PCDHA7: variants seen among roughly 807,000 people sequenced by gnomAD.
The protein encoded by PCDHA7 is protocadherin alpha 7.
Under a neutral mutation model 57.2 loss-of-function variants are expected in PCDHA7, and 37 were observed. That is an observed-to-expected ratio of 0.65 (90% confidence interval 0.50 to 0.85). PCDHA7 has a LOEUF of 0.85. PCDHA7 is among the 40% of genes least tolerant of loss of function. The pLI is 0.00. For synonymous variants in PCDHA7, 553 were observed against 558.8 expected, an observed-to-expected ratio of 0.99 and a Z score of 0.15; for missense variants, 1,188 against 1,241.8, an observed-to-expected ratio of 0.96 and a Z score of 0.65.
intron 1 of PCDHA7, among the ~76,000 whole-genome samples, chr5:140,895,220 A>C (rs1044682871): frequency 6.6e-6 from 1 of 152,158 alleles, no homozygotes; most frequent in Non-Finnish European, 1.5e-5. Context: ...CTAATATTTT[A>C]CTGAGTTTTC....
intron 3 of PCDHA7, among the ~76,000 whole-genome samples, chr5:140,986,846 A>G (rs782028314): frequency 6.6e-6 from 1 of 152,200 alleles, no homozygotes; most frequent in Non-Finnish European, 1.5e-5. Flanking sequence ...AAGGGGCAGC[A>G]ACACCAACAA....
Position 140,978,996 on chromosome 5 carries a change from A to T in PCDHA7, c.2403A>T (p.Ala801=), listed in dbSNP as rs2096831053. The change falls in exon 2 of 4, where the codon GCA becomes GCT. Residue 801 remains alanine, a synonymous_variant. Coordinates refer to ENST00000525929, the MANE Select transcript of PCDHA7 (RefSeq NM_018910.3). ...GGCGTTACTCTGCCTCCCTGAGAGC[A>T]GGCATGCACAGGTATGTATTTCCCT... ...PDWRYSASLR[A]GMHSSVHLEE... 1 of 1,614,186 alleles carries T rather than the reference A, an allele frequency of 6.2e-7. No individual in the cohort carries two copies.
chr5:140,876,984 G>C (rs2056761931), intron 1 of PCDHA7: 9 of 1,612,672 alleles, frequency 5.6e-6, no homozygotes, highest in African/African-American at 1.3e-5. Flanking sequence ...AGCACGCACT[G>C]TCGAGCTACG....
chr5:140,990,555 G>C (rs1176257375), intron 3 of PCDHA7, among the ~76,000 whole-genome samples: 1 of 152,130 alleles, frequency 6.6e-6, no homozygotes, highest in African/African-American at 2.4e-5. Context: ...TATTACCCAA[G>C]AACACACACC....
At chr5:141,008,698 G>A (rs246582) in intron 3 of PCDHA7, among the ~76,000 whole-genome samples, 2,594 of 152,212 alleles carry the variant, frequency 0.017, 88 homozygotes, top group African/African-American at 0.059. Context: ...GTATTAAGTT[G>A]GTTTCTAGTT....
rs182752192 is a variant in PCDHA7 at position 140,839,718 on chromosome 5, T to A, written c.2355+2980T>A. ...TAAATAATGTGATGACAAATTTAAATCATTTCACAGAAAATACCCTTATTT... is the reference window on the plus strand; with the variant it reads ...TAAATAATGTGATGACAAATTTAAAACATTTCACAGAAAATACCCTTATTT... On this transcript the variant is annotated intron_variant, in intron 1 of 3. Transcript: ENST00000525929. Among the ~76,000 whole-genome samples the A allele has an allele frequency of 7.0e-4, 106 of 152,196 alleles. 2 individuals are homozygous for A. The highest frequency in any genetic ancestry group is 2.5e-3 in the African/African-American group (104 of 41,490).
At chr5:141,004,188 TA>T (rs1391411358) in intron 3 of PCDHA7, among the ~76,000 whole-genome samples, 5 of 152,260 alleles carry the variant, frequency 3.3e-5, no homozygotes, top group African/African-American at 1.2e-4. Flanking sequence ...TGAGTGCTCT[TA>T]ACCAAAAGGA....
chr5:140,865,649 T>C (rs781986812), intron 1 of PCDHA7: 5 of 152,204 alleles, frequency 3.3e-5, no homozygotes, highest in Non-Finnish European at 5.9e-5. Flanking sequence ...AATACATTAT[T>C]TCATTTAATA....
chr5:140,852,903 G>A, intron 1 of PCDHA7: 1 of 833,182 alleles, frequency 1.2e-6, no homozygotes, highest in South Asian at 5.4e-5. Flanking sequence ...TTTTGAGTCA[G>A]AGTCTCGCTC....
chr5:140,990,808 C>G (rs537926285), intron 3 of PCDHA7, among the ~76,000 whole-genome samples: 18 of 152,212 alleles, frequency 1.2e-4, no homozygotes, highest in Non-Finnish European at 2.4e-4. Context: ...ACAGAAGAAG[C>G]TCCCTTCTCT....
chr5:140,900,907 T>C (rs1156878452), intron 1 of PCDHA7, among the ~76,000 whole-genome samples: 1 of 152,190 alleles, frequency 6.6e-6, no homozygotes, highest in African/African-American at 2.4e-5. Context: ...ATTTTAACTG[T>C]GGTAAGATGA....
Position 140,853,606 on chromosome 5 carries a change from G to T in PCDHA7, c.2355+16868G>T. 3.0e-6 allele frequency: 3 copies of T among 987,448 alleles called. 1 individual carries two copies. The highest frequency in any genetic ancestry group is 3.7e-6 in the Non-Finnish European group (3 of 819,684). The allele number at this position is 987,448 out of a possible 1,614,324, so 61.2% of individuals were successfully genotyped here. A position where few individuals can be genotyped will look rare whatever the true frequency, so the allele number is the denominator to read the frequency against. On this transcript the variant is annotated intron_variant, in intron 1 of 3. Coordinates refer to ENST00000525929, the MANE Select transcript of PCDHA7 (RefSeq NM_018910.3). ...CTTAGACACTTTGAGAGCAAAGGGG[G>T]TGCTGTAAATAAGTATACAAGATCA...
At chr5:140,993,468 A>G (rs1327306188) in intron 3 of PCDHA7, among the ~76,000 whole-genome samples, 1 of 69,412 alleles carries the variant, frequency 1.4e-5, no homozygotes, top group African/African-American at 5.6e-5. Context: ...TTTCTCACAC[A>G]CACACACACA....
chr5:140,876,774 G>T (rs370558767), intron 1 of PCDHA7: 28 of 1,614,110 alleles, frequency 1.7e-5, no homozygotes, highest in Non-Finnish European at 2.3e-5. Flanking sequence ...GCTCGCCTTC[G>T]CTGTGGGCCA....
At position 140,835,996 on chromosome 5, in the gene PCDHA7, G is replaced by A. The variant is rs782367355; in HGVS notation, c.1613G>A (p.Arg538His). Residue 538 changes from arginine to histidine, a missense_variant, in exon 1 of 4, where the codon CGC becomes CAC. Around this residue, in one of 3 missense-constraint regions of PCDHA7, gnomAD observed 892 missense variants for 788.5 expected, o/e 1.13. Transcript: ENST00000525929. ...LELLQFQVSA[R>H]DAGVPPLGSN... is the part of the protein sequence containing the mutation. ...CTGTTGCAGTTCCAGGTGAGCGCGC[G>A]CGATGCGGGCGTGCCGCCTCTGGGC... The A allele has an allele frequency of 1.2e-6, 2 of 1,613,272 alleles. No individual in the cohort carries two copies. The highest frequency in any genetic ancestry group is 1.1e-5 in the South Asian group (1 of 91,080).
In PCDHA7 at chr5:140,836,693, G is replaced by A; in HGVS notation, c.2310G>A (p.Met770Ile). The A allele has an allele frequency of 1.2e-6, 2 of 1,613,422 alleles. No individual in the cohort carries two copies. Among genetic ancestry groups the A allele is most frequent in the African/African-American group, 2.7e-5 (2 of 74,928 alleles). The change falls in exon 1 of 4, where the codon ATG becomes ATA. Residue 770 changes from methionine (M) to isoleucine (I), a missense_variant. This residue lies in a region of PCDHA7 where 892 missense variants were observed against 788.5 expected (regional missense o/e 1.13). Transcript: ENST00000525929. ...SGEGPPKTDL[M>I]AFSPSLPQGP... ...AGGGCCCACCCAAGACAGACCTCAT[G>A]GCCTTCAGTCCCAGCCTTCCTCAGG...
chr5:140,948,315 G>A (rs246048), intron 1 of PCDHA7, among the ~76,000 whole-genome samples: 85,363 of 151,182 alleles, frequency 0.56, 24,689 homozygotes, highest in African/African-American at 0.69. Context: ...TTCTTGAGGG[G>A]TAATGTTTTC....
At chr5:140,857,102 A>G in intron 1 of PCDHA7, 1 of 1,597,722 alleles carries the variant, frequency 6.3e-7, no homozygotes, top group Non-Finnish European at 8.6e-7. Context: ...GGTGATTGTC[A>G]CTTCTCTGTC....
At position 141,010,158 on chromosome 5, in the gene PCDHA7, GT is replaced by G. The variant is rs1563735803; in HGVS notation, c.*225del. 1.3e-6 allele frequency: 2 copies of G among 1,570,690 alleles called. No homozygotes were observed. The highest frequency in any genetic ancestry group is 1.7e-6 in the Non-Finnish European group (2 of 1,156,884). ...TAACTCTTTCTCTCCACTCTGGCTT[GT>G]TTTCAGAACCTAAAAAGCAGACCCA... On this transcript the variant is annotated 3_prime_UTR_variant, in exon 4 of 4. Coordinates refer to ENST00000525929, the MANE Select transcript of PCDHA7 (RefSeq NM_018910.3).
Sources: gnomAD v4.1 joint callset for allele counts (sites outside exome capture counted in the v4.1 genomes callset) on GRCh38, gnomAD v4.1.1 for gene constraint, gnomAD v4.1.1 regional missense constraint, MANE v1.5 for transcripts, NCBI Gene and HGNC (gene_info 2026-07-23, HGNC 2026-07-21) for gene names.